Variants in FAM193A observed in about 807,000 individuals in gnomAD.
The protein encoded by FAM193A is protein FAM193A.
FAM193A carries 22 observed loss-of-function variants against 126.5 expected under a neutral mutation model. The ratio of observed to expected loss-of-function variants is 0.17; its 90% CI spans 0.12 to 0.25. The LOEUF (loss-of-function observed/expected upper bound fraction) is 0.25, where lower values mean the gene tolerates loss of function less well. Ranked by LOEUF, FAM193A falls within the 10% of genes least tolerant of loss-of-function variation. The probability of loss-of-function intolerance (pLI) is 1.00; values close to 1 mark genes in which losing one functional copy is unlikely to be tolerated. For missense variants in FAM193A, 1,675 were observed against 1,672.8 expected (o/e 1.00, Z -0.02); for synonymous variants, 761 against 646.8 (o/e 1.18, Z -2.68).
intron 1 of FAM193A, among the ~76,000 whole-genome samples, chr4:2,563,134 G>A (rs1404942177): frequency 1.4e-5 from 2 of 147,940 alleles, no homozygotes; most frequent in Admixed American, 6.8e-5. Context: ...TAGTAGAGAT[G>A]AGGTTTCACC....
chr4:2,693,941 A>G, intron 16 of FAM193A, 67 bp downstream of exon 16: 2 of 1,488,742 alleles, frequency 1.3e-6, no homozygotes, highest in African/African-American at 1.4e-5. Flanking sequence ...TCACTAACAC[A>G]GCTACAGAAA....
chr4:2,555,234 C>T (rs976027626), intron 1 of FAM193A, among the ~76,000 whole-genome samples: 4 of 152,170 alleles, frequency 2.6e-5, no homozygotes, highest in Non-Finnish European at 5.9e-5. Flanking sequence ...AAGCCATCTT[C>T]ATTTTAGAGT....
intron 13 of FAM193A, among the ~76,000 whole-genome samples, chr4:2,677,991 G>T (rs1398080389): frequency 6.6e-6 from 1 of 151,178 alleles, no homozygotes; most frequent in Non-Finnish European, 1.5e-5. Context: ...GTGTTTTGTA[G>T]TGTGTGTTTG....
chr4:2,623,059 A>G (rs550137585), intron 2 of FAM193A, among the ~76,000 whole-genome samples: 68 of 150,274 alleles, frequency 4.5e-4, no homozygotes, highest in African/African-American at 1.6e-3. Flanking sequence ...CCCTTCCCTC[A>G]TGGTGTAATT....
chr4:2,656,679 C>T (rs1274014910), intron 7 of FAM193A, among the ~76,000 whole-genome samples: 1 of 152,210 alleles, frequency 6.6e-6, no homozygotes, highest in African/African-American at 2.4e-5. Context: ...CAACAGTCTT[C>T]ACAGGGCCAC....
intron 12 of FAM193A, among the ~76,000 whole-genome samples, chr4:2,670,375 C>T (rs1487476351): frequency 2.0e-5 from 3 of 152,062 alleles, no homozygotes; most frequent in South Asian, 2.1e-4. Flanking sequence ...ATAACAGCTG[C>T]TTTGACATCT....
chr4:2,650,535 G>T lies in FAM193A; in HGVS notation c.1311+3703G>T, dbSNP rs565027122. ...GAAGCCAAGACCACCCTGGCTGGGGGCAGAGATGGGAGCTCAGGGCTCTGA... is the reference window on the plus strand; with the variant it reads ...GAAGCCAAGACCACCCTGGCTGGGGTCAGAGATGGGAGCTCAGGGCTCTGA... On this transcript the variant is annotated intron_variant, in intron 7 of 20. Coordinates refer to ENST00000637812, the MANE Select transcript of FAM193A (RefSeq NM_001366318.2). 3.0e-3 allele frequency among the ~76,000 whole-genome samples: 456 copies of T among 152,318 alleles called. 1 individual carries two copies. The highest frequency in any genetic ancestry group is 8.4e-3 in the African/African-American group (348 of 41,566).
At chr4:2,685,932 CAAAACTTCT>C (rs1715687606) in intron 13 of FAM193A, among the ~76,000 whole-genome samples, 1 of 152,178 alleles carries the variant, frequency 6.6e-6, no homozygotes, top group African/African-American at 2.4e-5. Context: ...GATAAAAATG[CAAAACTTCT>C]GCTAGTTGAA....
chr4:2,569,710 GC>G (rs1489423909), intron 1 of FAM193A, among the ~76,000 whole-genome samples: 1 of 151,854 alleles, frequency 6.6e-6, no homozygotes, highest in East Asian at 1.9e-4. Flanking sequence ...TTGCTGTGTT[GC>G]CCAGGCTGGT....
chr4:2,729,546 T>C (rs1721144253), intron 20 of FAM193A, among the ~76,000 whole-genome samples: 1 of 152,216 alleles, frequency 6.6e-6, no homozygotes, highest in South Asian at 2.1e-4. Context: ...ACTCCTGTTC[T>C]AAAACTTGCC....
intron 1 of FAM193A, among the ~76,000 whole-genome samples, chr4:2,569,102 T>C (rs1345002502): frequency 6.6e-6 from 1 of 151,054 alleles, no homozygotes; most frequent in East Asian, 2.0e-4. Context: ...CCTGAGTAAC[T>C]GGGACTACAG....
At chr4:2,569,009 G>A (rs534985713) in intron 1 of FAM193A, among the ~76,000 whole-genome samples, 6 of 90,586 alleles carry the variant, frequency 6.6e-5, no homozygotes, top group African/African-American at 2.1e-4. Context: ...TTGCTCTGTT[G>A]CCCAGGCTGG....
At position 2,732,231 on chromosome 4, in the gene FAM193A, C is replaced by T. The variant is rs532197755; in HGVS notation, c.*363C>T. On this transcript the variant is annotated 3_prime_UTR_variant, in exon 21 of 21. Transcript: ENST00000637812. Reference sequence around the variant, plus strand: ...GCCCTGTCCTGTCATGTGTCCTCACCGGGGTATCGGCCGTCACTCAGCTCT... The same window carrying T: ...GCCCTGTCCTGTCATGTGTCCTCACTGGGGTATCGGCCGTCACTCAGCTCT... The T allele has an allele frequency of 1.2e-4, 31 of 262,580 alleles. 1 individual carries two copies. In the Middle Eastern group the frequency reaches 4.1e-3, roughly 34 times the overall value. The allele number at this position is 262,580 out of a possible 1,614,324, so 16.3% of individuals were successfully genotyped here.
intron 19 of FAM193A, among the ~76,000 whole-genome samples, chr4:2,713,361 G>A (rs1261270844): frequency 1.3e-5 from 2 of 152,104 alleles, no homozygotes; most frequent in South Asian, 2.1e-4. Context: ...AGCTGAGATC[G>A]TGCCACTGCA....
At chr4:2,638,228 C>T (rs1744278328) in intron 5 of FAM193A, among the ~76,000 whole-genome samples, 1 of 152,240 alleles carries the variant, frequency 6.6e-6, no homozygotes, top group Admixed American at 6.5e-5. Context: ...AGGTCACTGC[C>T]TACTCTTCTG....
chr4:2,665,165 TA>T (rs74310692), intron 12 of FAM193A, among the ~76,000 whole-genome samples: 17 of 152,320 alleles, frequency 1.1e-4, no homozygotes, highest in Non-Finnish European at 2.1e-4. Flanking sequence ...TCAGTAGTTC[TA>T]AAAAAATTCC....
rs114608394 is a variant in FAM193A at position 2,634,254 on chromosome 4, G to A, written c.1038+3085G>A. Among the ~76,000 whole-genome samples, 807 of 152,284 alleles carry A rather than the reference G, an allele frequency of 5.3e-3. 7 individuals carry two copies. The highest frequency in any genetic ancestry group is 0.018 in the African/African-American group (743 of 41,566). On this transcript the variant is annotated intron_variant, in intron 5 of 20. Transcript: ENST00000637812. ...CCAGCTGCCACATGAGCTGGAGTGT[G>A]AATAAATGTTGGTGTGGTATGAACA...
rs148373296 is a variant in FAM193A at position 2,700,435 on chromosome 4, C to G, written c.4263C>G (p.Pro1421=). The G allele has an allele frequency of 4.3e-6, 7 of 1,614,148 alleles. No homozygotes were observed. The highest frequency in any genetic ancestry group is 5.9e-6 in the Non-Finnish European group (7 of 1,180,016). Residue 1421 remains proline (P), a synonymous_variant, in exon 19 of 21, where the codon CCC becomes CCG. Coordinates refer to ENST00000637812, the MANE Select transcript of FAM193A (RefSeq NM_001366318.2). Reference sequence around the variant, plus strand: ...CAACCCCTATGGAGCCCACCTCTCCCGGTGAGCATCAGCAGAACAGCAAGC... The same window carrying G: ...CAACCCCTATGGAGCCCACCTCTCCGGGTGAGCATCAGCAGAACAGCAAGC... ...SNPTPMEPTS[P]GEHQQNSKLV... is the part of the protein sequence containing the mutation.
intron 6 of FAM193A, among the ~76,000 whole-genome samples, chr4:2,645,047 T>C (rs1011407914): frequency 4.0e-5 from 6 of 151,894 alleles, no homozygotes; most frequent in African/African-American, 7.3e-5. Flanking sequence ...TGTGTGTGTG[T>C]GTGTGTGTGT....
Sources: allele counts gnomAD v4.1 joint callset (sites outside exome capture counted in the v4.1 genomes callset), GRCh38; gene constraint gnomAD v4.1.1; transcripts MANE v1.5; gene names NCBI Gene and HGNC (gene_info 2026-07-23, HGNC 2026-07-21).